GRID2: variants seen among roughly 807,000 people sequenced by gnomAD.
GRID2 encodes the protein glutamate ionotropic receptor delta type subunit 2, also known as glutamate receptor ionotropic, delta-2.
In GRID2, 33 loss-of-function variants were observed where a neutral mutation model predicts 114.8. The observed-to-expected ratio is 0.29, with a 90% CI of 0.22 to 0.38. GRID2 has a LOEUF of 0.38. Ranked by LOEUF, GRID2 falls within the 10% of genes least tolerant of loss-of-function variation. The probability of loss-of-function intolerance (pLI) is 1.00; values close to 1 mark genes in which losing one functional copy is unlikely to be tolerated. For synonymous variants in GRID2, 505 were observed against 449.9 expected, an observed-to-expected ratio of 1.12 and a Z score of -1.55; for missense variants, 1,184 against 1,257.7, an observed-to-expected ratio of 0.94 and a Z score of 0.89.
chr4:92,932,492 G>C (rs996479228), intron 2 of GRID2, among the ~76,000 whole-genome samples: 5 of 151,196 alleles, frequency 3.3e-5, no homozygotes, highest in African/African-American at 1.2e-4. Flanking sequence ...ATGTGAAATA[G>C]TACAACAATT....
At chr4:93,141,892 A>G (rs1055417469) in intron 4 of GRID2, among the ~76,000 whole-genome samples, 2 of 152,330 alleles carry the variant, frequency 1.3e-5, no homozygotes, top group African/African-American at 4.8e-5. Flanking sequence ...TACACATAAC[A>G]AGGGATTTGG....
intron 13 of GRID2, among the ~76,000 whole-genome samples, chr4:93,592,148 T>C (rs1207393523): frequency 6.6e-6 from 1 of 152,154 alleles, no homozygotes; most frequent in Non-Finnish European, 1.5e-5. Context: ...ATTGTGATGT[T>C]AGGGTGTCAA....
rs927946646 is a variant in GRID2 at position 93,560,200 on chromosome 4, G to A, written c.2193+44789G>A. ...TACGTAACAAACCTGCATGTTCTAC[G>A]CATGTATTCCAGAACTTAAAGTAAA... On this transcript the variant is annotated intron_variant, in intron 13 of 15. Transcript: ENST00000282020. Among the ~76,000 whole-genome samples the A allele has an allele frequency of 6.4e-5, 7 of 109,410 alleles. No homozygotes were observed. In the South Asian group the frequency reaches 1.2e-3, roughly 19 times the overall value. The allele number at this position is 109,410 out of a possible 152,430, so 71.8% of individuals were successfully genotyped here.
chr4:92,827,267 G>A (rs1008653508), intron 2 of GRID2, among the ~76,000 whole-genome samples: 1 of 151,748 alleles, frequency 6.6e-6, no homozygotes, highest in Non-Finnish European at 1.5e-5. Context: ...AACGTTTAAT[G>A]AATGAAAAAG....
chr4:92,364,143 T>A (rs982458125), intron 1 of GRID2, among the ~76,000 whole-genome samples: 1 of 152,082 alleles, frequency 6.6e-6, no homozygotes, highest in Admixed American at 6.6e-5. Context: ...ATCATCAAAC[T>A]ACATTTCTAC....
intron 7 of GRID2, among the ~76,000 whole-genome samples, chr4:93,227,609 C>T (rs1463497288): frequency 2.0e-5 from 3 of 152,148 alleles, no homozygotes; most frequent in Admixed American, 2.0e-4. Flanking sequence ...AATATAAAAT[C>T]TATCTTTAAG....
chr4:92,791,834 AC>A (rs1739606072), intron 2 of GRID2, among the ~76,000 whole-genome samples: 2 of 152,014 alleles, frequency 1.3e-5, no homozygotes, highest in Admixed American at 1.3e-4. Context: ...ACATCACAAT[AC>A]AAACTCGAAT....
rs70942924 is a variant in GRID2 at position 92,676,156 on chromosome 4, G to GCC, written c.244+85883_244+85884dup. ...ATGTTATGATGCATTGTCGTGTCAAGCCCCCCCCCCCCCCTTTTTTTTTTG... is the reference window on the plus strand; with the variant it reads ...ATGTTATGATGCATTGTCGTGTCAAGCCCCCCCCCCCCCCCCTTTTTTTTTTG... On this transcript the variant is annotated intron_variant, in intron 2 of 15. Coordinates refer to ENST00000282020, the MANE Select transcript of GRID2 (RefSeq NM_001510.4). Among the ~76,000 whole-genome samples, 135 of 25,074 alleles carry GCC rather than the reference G, an allele frequency of 5.4e-3. 7 individuals are homozygous for GCC. The highest frequency in any genetic ancestry group is 8.1e-3 in the Non-Finnish European group (103 of 12,770). 16.4% of individuals were successfully genotyped at this position (25,074 alleles called of 152,430 possible).
At chr4:92,790,199 T>C (rs1200013861) in intron 2 of GRID2, among the ~76,000 whole-genome samples, 2 of 151,834 alleles carry the variant, frequency 1.3e-5, no homozygotes, top group African/African-American at 4.8e-5. Flanking sequence ...TAGATACTTA[T>C]TTATACAAAT....
chr4:93,149,088 A>T (rs1037076009), intron 4 of GRID2, among the ~76,000 whole-genome samples: 1 of 152,090 alleles, frequency 6.6e-6, no homozygotes. Flanking sequence ...AAATTATGCC[A>T]CTAGTTTGTG....
Position 92,794,063 on chromosome 4 carries a change from G to T in GRID2, c.244+203777G>T, listed in dbSNP as rs1037073376. 2.0e-5 allele frequency among the ~76,000 whole-genome samples: 3 copies of T among 151,866 alleles called. No individual in the cohort carries two copies. The South Asian group carries it at 6.2e-4, about 31-fold the overall frequency. On this transcript the variant is annotated intron_variant, in intron 2 of 15. Coordinates refer to ENST00000282020, the MANE Select transcript of GRID2 (RefSeq NM_001510.4). ...TGTTTGGAAAATTGGGATTTAGCAA[G>T]AGGAGTAAAAAGTAACATAAGAGAC...
intron 2 of GRID2, among the ~76,000 whole-genome samples, chr4:92,741,776 AT>A: frequency 6.6e-6 from 1 of 152,114 alleles, no homozygotes; most frequent in Non-Finnish European, 1.5e-5. Flanking sequence ...TACTTGGCTT[AT>A]TTTTGTTTAA....
intron 2 of GRID2, among the ~76,000 whole-genome samples, chr4:92,778,312 C>G (rs1738905034): frequency 6.6e-6 from 1 of 152,010 alleles, no homozygotes; most frequent in South Asian, 2.1e-4. Flanking sequence ...TTCTACTGGC[C>G]TGTAAACTTT....
At chr4:92,342,487 C>T (rs187707727) in intron 1 of GRID2, among the ~76,000 whole-genome samples, 21 of 152,202 alleles carry the variant, frequency 1.4e-4, no homozygotes, top group African/African-American at 4.6e-4. Flanking sequence ...TCATCAATGG[C>T]TCATTTTAGT....
intron 13 of GRID2, among the ~76,000 whole-genome samples, chr4:93,594,091 C>T (rs1038089600): frequency 6.6e-6 from 1 of 152,326 alleles, no homozygotes; most frequent in South Asian, 2.1e-4. Flanking sequence ...TGTTCCGTTG[C>T]TGGTGAGGAG....
chr4:93,388,064 TA>T (rs542475612), intron 8 of GRID2, among the ~76,000 whole-genome samples: 3 of 152,188 alleles, frequency 2.0e-5, no homozygotes, highest in Admixed American at 6.5e-5. Flanking sequence ...AATATATATT[TA>T]AAAAACTTAA....
chr4:93,154,939 C>T (rs1225703414), intron 4 of GRID2, among the ~76,000 whole-genome samples: 1 of 151,858 alleles, frequency 6.6e-6, no homozygotes, highest in Non-Finnish European at 1.5e-5. Flanking sequence ...ATGATCCTTA[C>T]ATTTATATTT....
intron 2 of GRID2, among the ~76,000 whole-genome samples, chr4:92,769,289 C>T (rs1316349480): frequency 1.3e-5 from 2 of 152,202 alleles, no homozygotes; most frequent in Admixed American, 1.3e-4. Flanking sequence ...AAAATGGATT[C>T]CCATGGTCTT....
chr4:92,909,055 G>T (rs1006838268), intron 2 of GRID2, among the ~76,000 whole-genome samples: 6 of 152,056 alleles, frequency 3.9e-5, no homozygotes, highest in Non-Finnish European at 7.4e-5. Context: ...AATATGTTTG[G>T]CAGATTTTAA....
Sources: allele counts gnomAD v4.1 joint callset (sites outside exome capture counted in the v4.1 genomes callset), GRCh38; gene constraint gnomAD v4.1.1; transcripts MANE v1.5; gene names NCBI Gene and HGNC (gene_info 2026-07-23, HGNC 2026-07-21).